Variants in HEPH observed in about 807,000 individuals in gnomAD.
HEPH encodes the protein hephaestin.
In HEPH, 69 loss-of-function variants were observed where a neutral mutation model predicts 80.8. The ratio of observed to expected loss-of-function variants is 0.85; its 90% CI spans 0.70 to 1.04. The LOEUF is 1.04. Among genes scored for constraint, HEPH ranks in the 50% least tolerant of loss-of-function variants. The probability of loss-of-function intolerance (pLI) is 0.00; values close to 1 mark genes in which losing one functional copy is unlikely to be tolerated. For missense variants in HEPH, 1,115 were observed against 891.3 expected (o/e 1.25, Z -3.20); for synonymous variants, 431 against 322.8 (o/e 1.34, Z -3.60).
chrX:66,236,901 G>T (rs1569381693), intron 15 of HEPH, among the ~76,000 whole-genome samples: 1 of 111,482 alleles, frequency 9.0e-6, no homozygotes. Context: ...TCTAGTTTAT[G>T]TGCATAGAGG....
intron 1 of HEPH, among the ~76,000 whole-genome samples, chrX:66,169,618 A>G (rs2086502771): frequency 8.9e-6 from 1 of 112,399 alleles, no homozygotes; most frequent in African/African-American, 3.2e-5. Context: ...AGTTCAAAAT[A>G]CTTCCCTCAC....
chrX:66,188,398 T>C lies in HEPH; in HGVS notation c.665T>C (p.Val222Ala). The change falls in exon 5 of 21, where the codon GTA becomes GCA. Residue 222 changes from valine (V) to alanine (A), a missense_variant. By Grantham distance (64) the Val-to-Ala change is moderately conservative (BLOSUM62 0). This residue lies in a region of HEPH where 391 missense variants were observed against 343.6 expected (regional missense o/e 1.14). Coordinates refer to ENST00000343002, the MANE Select transcript of HEPH (RefSeq NM_001367233.3). ...DGNSPPQRQD[V>A]DHDFFLLFSV... ...AACTCCCCTCCTCAACGCCAGGATGTAGACCATGATTTCTTCCTCCTCTTC... is the reference window on the plus strand; with the variant it reads ...AACTCCCCTCCTCAACGCCAGGATGCAGACCATGATTTCTTCCTCCTCTTC... 1 of 1,202,269 alleles carries C rather than the reference T, an allele frequency of 8.3e-7. No individual in the cohort carries two copies. Among genetic ancestry groups the C allele is most frequent in the Non-Finnish European group, 1.1e-6 (1 of 890,406 alleles).
intron 15 of HEPH, among the ~76,000 whole-genome samples, chrX:66,220,198 A>G (rs2089581951): frequency 9.0e-6 from 1 of 111,465 alleles, no homozygotes; most frequent in African/African-American, 3.3e-5. Flanking sequence ...TCCTCTACAT[A>G]CATAACAGGA....
At chrX:66,208,668 A>G (rs1244993896) in intron 15 of HEPH, among the ~76,000 whole-genome samples, 5 of 85,182 alleles carry the variant, frequency 5.9e-5, no homozygotes, top group African/African-American at 1.7e-4. Flanking sequence ...ATATATATAT[A>G]TATATATATG....
intron 6 of HEPH, among the ~76,000 whole-genome samples, chrX:66,191,658 G>A (rs1231851273): frequency 8.9e-6 from 1 of 111,841 alleles, no homozygotes; most frequent in Non-Finnish European, 1.9e-5. Context: ...ATTATTTTGG[G>A]AGCTTCCCAG....
At chrX:66,200,457 AC>A (rs2088373308) in intron 11 of HEPH, 82 bp from the exon 12 acceptor site, 8 of 767,895 alleles carry the variant, frequency 1.0e-5, no homozygotes, top group Non-Finnish European at 1.5e-5. Flanking sequence ...AAACCATAGT[AC>A]ATAGCTGATG....
At chrX:66,214,512 A>G (rs1307187970) in intron 15 of HEPH, among the ~76,000 whole-genome samples, 4 of 111,514 alleles carry the variant, frequency 3.6e-5, no homozygotes, top group Non-Finnish European at 7.5e-5. Context: ...ATGTGATCAA[A>G]TCAATGGAAT....
Position 66,266,583 on chromosome X carries a change from G to A in HEPH, c.3388G>A (p.Val1130Ile). Residue 1130 changes from valine (V) to isoleucine (I), a missense_variant, in exon 21 of 21, where the codon GTT becomes ATT. By Grantham distance (29) the Val-to-Ile change is conservative. Transcript: ENST00000343002. ...CGTTGTTCTGGCTCTTGGTGGAGTG[G>A]TTTGGTACCAACATCGACAGAGAAA... Reference protein sequence around the residue: ...LLVVLALGGVVWYQHRQRKLR... With the variant: ...LLVVLALGGVIWYQHRQRKLR... 8.3e-7 allele frequency: 1 copy of A among 1,210,660 alleles called. No individual in the cohort carries two copies. Among genetic ancestry groups the A allele is most frequent in the East Asian group, 3.0e-5 (1 of 33,767 alleles).
chrX:66,263,479 A>G (rs1333846715), intron 19 of HEPH, among the ~76,000 whole-genome samples, 165 bp from the exon 20 acceptor site: 3 of 112,231 alleles, frequency 2.7e-5, no homozygotes, highest in Non-Finnish European at 3.8e-5. Flanking sequence ...AATCAAATCA[A>G]CATACCAATA....
intron 15 of HEPH, among the ~76,000 whole-genome samples, chrX:66,249,653 G>A (rs2090937803): frequency 8.9e-6 from 1 of 111,828 alleles, no homozygotes; most frequent in Admixed American, 9.5e-5. Context: ...ATCAGAGAAG[G>A]CAGATTGTAA....
At chrX:66,168,592 G>A (rs915421510) in intron 1 of HEPH, among the ~76,000 whole-genome samples, 1 of 111,807 alleles carries the variant, frequency 8.9e-6, no homozygotes, top group Non-Finnish European at 1.9e-5. Context: ...TAACACTTGG[G>A]TCACTGCTGC....
At chrX:66,200,814 G>A in intron 12 of HEPH, 62 bp downstream of exon 12, 1 of 890,535 alleles carries the variant, frequency 1.1e-6, no homozygotes, top group Admixed American at 2.5e-5. Flanking sequence ...AATGGGGTCG[G>A]GAAGAGGGAG....
chrX:66,173,022 A>G (rs1402021881), intron 3 of HEPH, among the ~76,000 whole-genome samples: 2 of 112,307 alleles, frequency 1.8e-5, no homozygotes, highest in African/African-American at 6.5e-5. Context: ...ATTTATCTCT[A>G]TCTCCCTTAT....
intron 15 of HEPH, among the ~76,000 whole-genome samples, chrX:66,219,175 A>T (rs2089530945): frequency 8.9e-6 from 1 of 112,044 alleles, no homozygotes. Context: ...TCATTTGAAG[A>T]AGTACAGGTA....
At chrX:66,203,646 T>A in intron 13 of HEPH, 69 bp downstream of exon 13, 1 of 951,537 alleles carries the variant, frequency 1.1e-6, no homozygotes, top group South Asian at 2.2e-5. Flanking sequence ...ACTGAAATTC[T>A]GAGATGAGGA....
rs774078480 is a variant in HEPH at position 66,266,443 on chromosome X, T to G, written c.3248T>G (p.Val1083Gly). The G allele has an allele frequency of 2.7e-5, 33 of 1,206,183 alleles. No homozygotes were observed. Among genetic ancestry groups the G allele is most frequent in the Non-Finnish European group, 3.7e-5 (33 of 891,781 alleles). Residue 1083 changes from valine (V) to glycine (G), a missense_variant, in exon 21 of 21, where the codon GTG becomes GGG. Transcript: ENST00000343002. ...ATTTTTTTTTTCTCCATTTCAGCAG[T>G]GCCCCCCAGAGACATTGAAGAAGGC... The part of the protein sequence containing the change: ...TVITKETEKA[V>G]PPRDIEEGNV...
chrX:66,193,136 A>G (rs1388169331), intron 7 of HEPH, among the ~76,000 whole-genome samples: 2 of 111,096 alleles, frequency 1.8e-5, no homozygotes, highest in Admixed American at 9.6e-5. Context: ...CCTAAGGATG[A>G]TTAAGGACAG....
chrX:66,202,370 A>G (rs1425487822), intron 12 of HEPH, among the ~76,000 whole-genome samples: 2 of 111,891 alleles, frequency 1.8e-5, no homozygotes, highest in Non-Finnish European at 3.8e-5. Flanking sequence ...GAAAGCCAGG[A>G]AGAAGAGTTT....
intron 6 of HEPH, among the ~76,000 whole-genome samples, 162 bp from the exon 7 acceptor site, chrX:66,191,968 C>A (rs2087814224): frequency 9.0e-6 from 1 of 111,353 alleles, no homozygotes; most frequent in African/African-American, 3.3e-5. Flanking sequence ...TCTCTCTCAG[C>A]CATGCACTTT....
Sources: gnomAD v4.1 joint callset for allele counts (sites outside exome capture counted in the v4.1 genomes callset) on GRCh38, gnomAD v4.1.1 for gene constraint, gnomAD v4.1.1 regional missense constraint, MANE v1.5 for transcripts, NCBI Gene and HGNC (gene_info 2026-07-23, HGNC 2026-07-21) for gene names.